TNFRSF1B: variants seen among roughly 807,000 people sequenced by gnomAD.
TNFRSF1B encodes the protein tumor necrosis factor receptor superfamily member 1B.
A neutral mutation model predicts 44.6 loss-of-function variants in TNFRSF1B; 19 were observed. The ratio of observed to expected loss-of-function variants is 0.43; its 90% CI spans 0.30 to 0.62. TNFRSF1B has a LOEUF of 0.62. Among genes scored for constraint, TNFRSF1B ranks in the 20% least tolerant of loss-of-function variants. TNFRSF1B has a pLI of 0.16. For synonymous variants in TNFRSF1B, 252 were observed against 261.1 expected, an observed-to-expected ratio of 0.97 and a Z score of 0.34; for missense variants, 541 against 619.9, an observed-to-expected ratio of 0.87 and a Z score of 1.35.
rs1277232443 is a variant in TNFRSF1B at position 12,192,665 on chromosome 1, T to A, written c.551+141T>A. 60 of 934,518 alleles carry A rather than the reference T, an allele frequency of 6.4e-5. 1 individual carries two copies. The highest frequency in any genetic ancestry group is 1.3e-4 in the South Asian group (9 of 69,070). 57.9% of individuals were successfully genotyped at this position (934,518 alleles called of 1,614,324 possible). ...AGGGTGGCTCCCAGGATAAATGGCATGGTGGGCAGGACCTTGCCCTGGAAG... is the reference window on the plus strand; with the variant it reads ...AGGGTGGCTCCCAGGATAAATGGCAAGGTGGGCAGGACCTTGCCCTGGAAG... On this transcript the variant is annotated intron_variant, in intron 5 of 9. Transcript: ENST00000376259.
At position 12,208,634 on chromosome 1, in the gene TNFRSF1B, G is replaced by C. The variant is rs777662587; in HGVS notation, c.*1614G>C. ...CTCCTGGAAAGGCTCAGTCTCAGGA[G>C]CATGGGGATAAAGGAGAAGGCATGA... On this transcript the variant is annotated 3_prime_UTR_variant, in exon 10 of 10. Transcript: ENST00000376259. 1 of 152,390 alleles carries C rather than the reference G, an allele frequency of 6.6e-6. No homozygotes were observed. Among genetic ancestry groups the C allele is most frequent in the African/African-American group, 2.4e-5 (1 of 41,480 alleles). The allele number at this position is 152,390 out of a possible 1,614,324, so 9.4% of individuals were successfully genotyped here. A position where few individuals can be genotyped will look rare whatever the true frequency, so the allele number is the denominator to read the frequency against.
intron 9 of TNFRSF1B, among the ~76,000 whole-genome samples, chr1:12,204,382 C>A (rs1467050655): frequency 6.6e-6 from 1 of 152,162 alleles, no homozygotes; most frequent in Non-Finnish European, 1.5e-5. Flanking sequence ...TGATTTCAAC[C>A]CTCCTCCCCC....
chr1:12,189,462 CTG>C (rs1474370705), intron 2 of TNFRSF1B, among the ~76,000 whole-genome samples: 1 of 152,228 alleles, frequency 6.6e-6, no homozygotes, highest in Non-Finnish European at 1.5e-5. Flanking sequence ...TTGACTGACT[CTG>C]TGAATGCTTA....
In TNFRSF1B at chr1:12,171,662, C is replaced by T. The variant is rs1430190073; in HGVS notation, c.78+4493C>T. 1.3e-5 allele frequency among the ~76,000 whole-genome samples: 2 copies of T among 152,186 alleles called. No individual in the cohort carries two copies. The highest frequency in any genetic ancestry group is 2.4e-5 in the African/African-American group (1 of 41,434). On this transcript the variant is annotated intron_variant, in intron 1 of 9. Transcript: ENST00000376259. The surrounding 1 kb of genome is among the most constrained non-coding windows in gnomAD (Gnocchi z 4.5). Reference sequence around the variant, plus strand: ...TAGAAGAGGGTTTTTCAGTCAGTGCCTCTGACTTTAATTCTTTGTTGTGGG... The same window carrying T: ...TAGAAGAGGGTTTTTCAGTCAGTGCTTCTGACTTTAATTCTTTGTTGTGGG...
chr1:12,179,762 T>C (rs1181316382), intron 1 of TNFRSF1B, among the ~76,000 whole-genome samples: 1 of 152,204 alleles, frequency 6.6e-6, no homozygotes, highest in Non-Finnish European at 1.5e-5. Flanking sequence ...TGCCGCTCAC[T>C]GGCTGCATGA....
At position 12,183,711 on chromosome 1, in the gene TNFRSF1B, T is replaced by TCTA. The variant is rs1553163383; in HGVS notation, c.79-5085_79-5084insCTA. 3.4e-3 allele frequency among the ~76,000 whole-genome samples: 315 copies of TCTA among 93,148 alleles called. 7 individuals are homozygous for TCTA. The highest frequency in any genetic ancestry group is 8.9e-3 in the South Asian group (22 of 2,462). 61.1% of individuals were successfully genotyped at this position (93,148 alleles called of 152,430 possible). Reference sequence around the variant, plus strand: ...ATCTATCTATCTATCTATCTATCTATTCTATCTACCTATCTATCTATCTAT... The same window carrying TCTA: ...ATCTATCTATCTATCTATCTATCTATCTATCTATCTACCTATCTATCTATCTAT... On this transcript the variant is annotated intron_variant, in intron 1 of 9. Coordinates refer to ENST00000376259, the MANE Select transcript of TNFRSF1B (RefSeq NM_001066.3).
intron 6 of TNFRSF1B, 94 bp downstream of exon 6, chr1:12,193,192 C>A (rs753626242): frequency 3.4e-6 from 4 of 1,176,338 alleles, no homozygotes; most frequent in African/African-American, 1.5e-5. Context: ...TGAGAGCCCA[C>A]GGGGGGCTGG....
At chr1:12,206,635 C>A in intron 9 of TNFRSF1B, 105 bp from the exon 10 acceptor site, 2 of 1,293,602 alleles carry the variant, frequency 1.5e-6, no homozygotes, top group Non-Finnish European at 2.1e-6. Context: ...CGGCTCCTGG[C>A]CCAGTGCTCT....
intron 4 of TNFRSF1B, among the ~76,000 whole-genome samples, 182 bp downstream of exon 4, chr1:12,192,105 C>A (rs918468125): frequency 1.3e-5 from 2 of 152,242 alleles, no homozygotes; most frequent in African/African-American, 4.8e-5. Context: ...TGCCAGCACT[C>A]CCGATTAGGC....
chr1:12,192,808 C>T (rs1264878916), intron 5 of TNFRSF1B, 55 bp from the exon 6 acceptor site: 18 of 1,478,796 alleles, frequency 1.2e-5, no homozygotes, highest in Non-Finnish European at 1.7e-5. Context: ...TGAGCCCAGC[C>T]ACCCCAGCCA....
In TNFRSF1B at chr1:12,184,443, A is replaced by G. The variant is rs72863491; in HGVS notation, c.79-4353A>G. On this transcript the variant is annotated intron_variant, in intron 1 of 9. Transcript: ENST00000376259. Reference sequence around the variant, plus strand: ...GCTACTGGGGGCTGGAGGCTCACAGAGCCAGGGAGGAAGTCCTACCCCCTC... The same window carrying G: ...GCTACTGGGGGCTGGAGGCTCACAGGGCCAGGGAGGAAGTCCTACCCCCTC... Among the ~76,000 whole-genome samples, 742 of 151,976 alleles carry G rather than the reference A, an allele frequency of 4.9e-3. 5 individuals carry two copies. Among genetic ancestry groups the G allele is most frequent in the African/African-American group, 0.017 (698 of 41,396 alleles).
intron 1 of TNFRSF1B, among the ~76,000 whole-genome samples, chr1:12,185,251 G>A (rs777079518): frequency 1.3e-5 from 2 of 152,210 alleles, no homozygotes; most frequent in Non-Finnish European, 2.9e-5. Flanking sequence ...CCAGGAGGCC[G>A]GATGATCAGA....
intron 9 of TNFRSF1B, among the ~76,000 whole-genome samples, chr1:12,204,738 T>A (rs1233400720): frequency 6.6e-6 from 1 of 152,196 alleles, no homozygotes; most frequent in Non-Finnish European, 1.5e-5. Context: ...TCCAGATTTT[T>A]AAATGTAAAC....
chr1:12,169,200 T>G lies in TNFRSF1B; in HGVS notation c.78+2031T>G, dbSNP rs1638467601. ...CTTTGAGGACAGATTGCATTCTGCT[T>G]TTTAATCTAGCTGTGTTTTATCCCC... On this transcript the variant is annotated intron_variant, in intron 1 of 9. Coordinates refer to ENST00000376259, the MANE Select transcript of TNFRSF1B (RefSeq NM_001066.3). The surrounding 1 kb of genome is among the most constrained non-coding windows in gnomAD (Gnocchi z 4.5). Among the ~76,000 whole-genome samples, 1 of 152,236 alleles carries G rather than the reference T, an allele frequency of 6.6e-6. No individual in the cohort carries two copies. Among genetic ancestry groups the G allele is most frequent in the South Asian group, 2.1e-4 (1 of 4,838 alleles).
chr1:12,192,770 T>G lies in TNFRSF1B; in HGVS notation c.552-93T>G. 2.6e-6 allele frequency: 3 copies of G among 1,146,574 alleles called. No homozygotes were observed. In the South Asian group the frequency reaches 4.3e-5, roughly 17 times the overall value. The allele number at this position is 1,146,574 out of a possible 1,614,324, so 71.0% of individuals were successfully genotyped here. Reference sequence around the variant, plus strand: ...TCAGAGAGGGCACACATCGTCACTCTCCTATCCTGCCTGCTGGGGCCCGTG... The same window carrying G: ...TCAGAGAGGGCACACATCGTCACTCGCCTATCCTGCCTGCTGGGGCCCGTG... On this transcript the variant is annotated intron_variant, in intron 5 of 9. Transcript: ENST00000376259.
chr1:12,191,317 G>A (rs1639117598), intron 3 of TNFRSF1B, among the ~76,000 whole-genome samples: 1 of 152,252 alleles, frequency 6.6e-6, no homozygotes. Flanking sequence ...CGTGAGGGTT[G>A]AGGAGGTGGT....
At chr1:12,179,609 G>T (rs1207473339) in intron 1 of TNFRSF1B, among the ~76,000 whole-genome samples, 1 of 152,160 alleles carries the variant, frequency 6.6e-6, no homozygotes, top group Non-Finnish European at 1.5e-5. Context: ...TGAACCACCT[G>T]CCCCTGCTCA....
Position 12,186,456 on chromosome 1 carries a change from G to C in TNFRSF1B, c.79-2340G>C, listed in dbSNP as rs1638989804. ...TGCTCTGACTGGCTTGCTGACAGCTGAAGTCCAGGATAGGTCCATGGCCAC... is the reference window on the plus strand; with the variant it reads ...TGCTCTGACTGGCTTGCTGACAGCTCAAGTCCAGGATAGGTCCATGGCCAC... On this transcript the variant is annotated intron_variant, in intron 1 of 9. Transcript: ENST00000376259. The surrounding 1 kb of genome is among the most constrained non-coding windows in gnomAD (Gnocchi z 4.8). 1.3e-5 allele frequency among the ~76,000 whole-genome samples: 2 copies of C among 152,234 alleles called. No homozygotes were observed. The highest frequency in any genetic ancestry group is 4.1e-4 in the South Asian group (2 of 4,832).
At chr1:12,174,160 T>TCTTCTTCTTCTTCTTCTTCTCCTTCTC (rs1553162433) in intron 1 of TNFRSF1B, among the ~76,000 whole-genome samples, 1 of 67,918 alleles carries the variant, frequency 1.5e-5, no homozygotes, top group Non-Finnish European at 3.0e-5. Context: ...TTCTTCTTCT[T>TCTTCTTCTTCTTCTTCTTCTCCTTCTC]CTTCTCCTTC....
Sources: allele counts gnomAD v4.1 joint callset (sites outside exome capture counted in the v4.1 genomes callset), GRCh38; gene constraint gnomAD v4.1.1; non-coding constraint Gnocchi (gnomAD v3.1); transcripts MANE v1.5; gene names NCBI Gene and HGNC (gene_info 2026-07-23, HGNC 2026-07-21).